TAFA1: variants seen among roughly 807,000 people sequenced by gnomAD.
TAFA1 encodes TAFA chemokine like family member 1, also known as chemokine-like protein TAFA-1.
TAFA1 carries 4 observed loss-of-function variants against 18.5 expected under a neutral mutation model. That is an observed-to-expected ratio of 0.22 (90% CI 0.11 to 0.49). TAFA1 has a LOEUF of 0.49. Ranked by LOEUF, TAFA1 falls within the 20% of genes least tolerant of loss-of-function variation. TAFA1 has a pLI of 0.98. For synonymous variants in TAFA1, 56 were observed against 55.2 expected, an observed-to-expected ratio of 1.01 and a Z score of -0.06; for missense variants, 147 against 169.0, an observed-to-expected ratio of 0.87 and a Z score of 0.72.
chr3:68,028,736 C>T (rs371590064), intron 2 of TAFA1, among the ~76,000 whole-genome samples: 3 of 130,564 alleles, frequency 2.3e-5, no homozygotes, highest in African/African-American at 5.5e-5. Flanking sequence ...CTCAGCCTCA[C>T]TCTTTTTTTT....
intron 2 of TAFA1, among the ~76,000 whole-genome samples, chr3:68,069,818 C>A (rs1001447243): frequency 6.6e-6 from 1 of 152,190 alleles, no homozygotes; most frequent in Non-Finnish European, 1.5e-5. Context: ...TACAGCAGGG[C>A]AGTCAAATCT....
intron 2 of TAFA1, among the ~76,000 whole-genome samples, chr3:68,149,910 T>G (rs2065785411): frequency 6.6e-6 from 1 of 152,134 alleles, no homozygotes; most frequent in African/African-American, 2.4e-5. Context: ...GAGATGGAGC[T>G]GGGGGCTGGG....
chr3:68,299,666 C>G (rs1459157772), intron 2 of TAFA1, among the ~76,000 whole-genome samples: 1 of 152,208 alleles, frequency 6.6e-6, no homozygotes, highest in East Asian at 1.9e-4. Context: ...ACGGAAGTCC[C>G]TCCCATTACA....
At chr3:68,078,321 G>T (rs1056934813) in intron 2 of TAFA1, among the ~76,000 whole-genome samples, 2 of 151,654 alleles carry the variant, frequency 1.3e-5, no homozygotes, top group Non-Finnish European at 3.0e-5. Context: ...CTGCCTGATT[G>T]CCCTGGCCAG....
intron 2 of TAFA1, among the ~76,000 whole-genome samples, chr3:68,136,960 C>T (rs1430248323): frequency 6.6e-6 from 1 of 152,104 alleles, no homozygotes; most frequent in Non-Finnish European, 1.5e-5. Flanking sequence ...GCCACTCAGA[C>T]CCAAAGGATT....
At chr3:68,324,691 C>T (rs1012173886) in intron 2 of TAFA1, among the ~76,000 whole-genome samples, 1 of 152,128 alleles carries the variant, frequency 6.6e-6, no homozygotes, top group Non-Finnish European at 1.5e-5. Flanking sequence ...AGAATTAAAC[C>T]TAAATCATGT....
chr3:68,483,290 G>A (rs1208766217), intron 3 of TAFA1, among the ~76,000 whole-genome samples: 1 of 54,912 alleles, frequency 1.8e-5, no homozygotes, highest in African/African-American at 1.2e-4. Context: ...TTCTGGCTTT[G>A]TTGACCAAGT....
chr3:68,017,353 T>A (rs1218218336), intron 2 of TAFA1, among the ~76,000 whole-genome samples: 1 of 152,198 alleles, frequency 6.6e-6, no homozygotes, highest in Non-Finnish European at 1.5e-5. Context: ...TGTTTAGAAG[T>A]AAGAGCAAAT....
chr3:68,103,669 A>G (rs2106822238), intron 2 of TAFA1, among the ~76,000 whole-genome samples: 1 of 152,230 alleles, frequency 6.6e-6, no homozygotes, highest in South Asian at 2.1e-4. Flanking sequence ...GCTAATTGTC[A>G]TCACCACCGC....
intron 2 of TAFA1, among the ~76,000 whole-genome samples, chr3:68,244,329 C>T (rs1421508615): frequency 6.6e-6 from 1 of 152,132 alleles, no homozygotes; most frequent in East Asian, 1.9e-4. Context: ...GGACTCTTTG[C>T]CAAGTCCTAG....
intron 2 of TAFA1, among the ~76,000 whole-genome samples, chr3:68,007,823 G>C (rs950175998): frequency 6.6e-6 from 1 of 152,186 alleles, no homozygotes; most frequent in African/African-American, 2.4e-5. Flanking sequence ...TCCTCAGTCG[G>C]CCTGGACACC....
intron 2 of TAFA1, among the ~76,000 whole-genome samples, chr3:68,055,754 C>T (rs2064528330): frequency 6.6e-6 from 1 of 152,012 alleles, no homozygotes; most frequent in African/African-American, 2.4e-5. Flanking sequence ...ACACAGATGT[C>T]CCTTTCCCTG....
At chr3:68,162,070 A>AAT (rs2065931595) in intron 2 of TAFA1, among the ~76,000 whole-genome samples, 1 of 152,194 alleles carries the variant, frequency 6.6e-6, no homozygotes, top group Non-Finnish European at 1.5e-5. Flanking sequence ...CTTTATAGAA[A>AAT]ACATTTGCCA....
intron 2 of TAFA1, among the ~76,000 whole-genome samples, chr3:68,173,033 AT>A (rs962533900): frequency 4.6e-5 from 7 of 151,976 alleles, no homozygotes; most frequent in African/African-American, 1.2e-4. Context: ...AAATCTGAGG[AT>A]TTTTTTTAAG....
At chr3:68,072,787 A>G (rs2064773213) in intron 2 of TAFA1, among the ~76,000 whole-genome samples, 1 of 152,168 alleles carries the variant, frequency 6.6e-6, no homozygotes. Context: ...GCCTACTGGC[A>G]GTTGGACATT....
rs76273826 is a variant in TAFA1, at chr3:68,290,692, A to G, written c.119-126588A>G. 7.5e-3 allele frequency among the ~76,000 whole-genome samples: 1,137 copies of G among 152,266 alleles called. 13 individuals carry two copies. The highest frequency in any genetic ancestry group is 0.026 in the African/African-American group (1,071 of 41,568). On this transcript the variant is annotated intron_variant, in intron 2 of 4. Coordinates refer to ENST00000478136, the MANE Select transcript of TAFA1 (RefSeq NM_213609.4). ...ACTATAGCAATTCTCTTCTCTTCACATAAGTCAAAAGATATATCTAATTTT... is the reference window on the plus strand; with the variant it reads ...ACTATAGCAATTCTCTTCTCTTCACGTAAGTCAAAAGATATATCTAATTTT...
At chr3:68,202,432 T>C (rs1224479947) in intron 2 of TAFA1, among the ~76,000 whole-genome samples, 1 of 151,794 alleles carries the variant, frequency 6.6e-6, no homozygotes, top group Non-Finnish European at 1.5e-5. Flanking sequence ...TCTTTGTTCC[T>C]ATTTTTGTCT....
chr3:68,013,554 G>A (rs765261466), intron 2 of TAFA1, among the ~76,000 whole-genome samples: 14 of 152,132 alleles, frequency 9.2e-5, no homozygotes, highest in Admixed American at 2.6e-4. Context: ...GGACTGAAGA[G>A]GCTTCACTTG....
intron 2 of TAFA1, among the ~76,000 whole-genome samples, chr3:68,208,031 A>G (rs2066547366): frequency 6.6e-6 from 1 of 152,060 alleles, no homozygotes; most frequent in South Asian, 2.1e-4. Flanking sequence ...TTTGCTTTAC[A>G]TTCATTTGAA....
Sources: allele counts gnomAD v4.1 joint callset (sites outside exome capture counted in the v4.1 genomes callset), GRCh38; gene constraint gnomAD v4.1.1; transcripts MANE v1.5; gene names NCBI Gene and HGNC (gene_info 2026-07-23, HGNC 2026-07-21).